CCNA1: variants seen among roughly 807,000 people sequenced by gnomAD.
The protein encoded by CCNA1 is cyclin A1, also known as cyclin-A1.
Under a neutral mutation model 54.1 loss-of-function variants are expected in CCNA1, and 23 were observed. That is an observed-to-expected ratio of 0.42 (90% confidence interval 0.31 to 0.60). The LOEUF (loss-of-function observed/expected upper bound fraction) is 0.60, where lower values mean the gene tolerates loss of function less well. Ranked by LOEUF, CCNA1 falls within the 20% of genes least tolerant of loss-of-function variation. CCNA1 has a pLI of 0.14. For missense variants in CCNA1, 450 were observed against 556.7 expected, an observed-to-expected ratio of 0.81 and a Z score of 1.93; for synonymous variants, 208 against 213.9, an observed-to-expected ratio of 0.97 and a Z score of 0.24.
In CCNA1 at chr13:36,437,789, G is replaced by A. The variant is rs540179877; in HGVS notation, c.458G>A (p.Arg153Lys). Residue 153 changes from arginine to lysine, a missense_variant, in exon 3 of 9, where the codon AGA becomes AAA. Arg to Lys is a conservative substitution (Grantham distance 26, BLOSUM62 2). Around this residue, in one of 6 missense-constraint regions of CCNA1, gnomAD observed 103 missense variants for 92.9 expected, o/e 1.11. Coordinates refer to ENST00000255465, the MANE Select transcript of CCNA1 (RefSeq NM_003914.4). ...GGGGACAGAGACAGCTGCTCGGTCA[G>A]AGAGGGGATGGCATTTGAGGATGTG... The A allele has an allele frequency of 1.3e-4, 206 of 1,614,176 alleles. 2 individuals are homozygous for A. The South Asian group carries it at 2.2e-3, about 17-fold the overall frequency.
chr13:36,433,439 T>TTTTCTTTCG (rs1566169703), intron 2 of CCNA1, among the ~76,000 whole-genome samples: 1 of 68,078 alleles, frequency 1.5e-5, no homozygotes, highest in African/African-American at 4.5e-5. Context: ...TCTTTCTTTC[T>TTTTCTTTCG]TTCGTTCTTT....
chr13:36,438,935 A>G, intron 5 of CCNA1, 68 bp downstream of exon 5: 2 of 1,180,630 alleles, frequency 1.7e-6, no homozygotes, highest in Admixed American at 3.6e-5. Flanking sequence ...TTTGTCCTCT[A>G]TTTCTTATTG....
At chr13:36,440,230 T>TA in intron 6 of CCNA1, 47 bp downstream of exon 6, 4 of 1,465,398 alleles carry the variant, frequency 2.7e-6, no homozygotes, top group Non-Finnish European at 1.9e-6. Flanking sequence ...CCAAGGAGCG[T>TA]AAAAATCAAC....
rs759393578 is a variant in CCNA1, at chr13:36,433,098, A to G, written c.174A>G (p.Thr58=). Reference sequence around the variant, plus strand: ...CCAAGAGTGGAGTTGTGCTGGCTACAGTGGCCCGAGGTCCCGATGCTTGTC... The same window carrying G: ...CCAAGAGTGGAGTTGTGCTGGCTACGGTGGCCCGAGGTCCCGATGCTTGTC... Residue 58 remains threonine (T), a synonymous_variant, in exon 2 of 9, where the codon ACA becomes ACG. Transcript: ENST00000255465. 2 of 1,614,202 alleles carry G rather than the reference A, an allele frequency of 1.2e-6. No individual in the cohort carries two copies. Among genetic ancestry groups the G allele is most frequent in the South Asian group, 2.2e-5 (2 of 91,086 alleles).
In CCNA1 at chr13:36,437,616, A is replaced by T. The variant is rs936729856; in HGVS notation, c.298-13A>T. ...TGACGTGGCCTCTAACAAAAGATTT[A>T]AACGTTTTTTAGGGGATCACAAGAA... is the stretch of plus-strand genomic sequence containing the variant. On this transcript the variant is annotated splice_polypyrimidine_tract_variant and intron_variant, in intron 2 of 8. Coordinates refer to ENST00000255465, the MANE Select transcript of CCNA1 (RefSeq NM_003914.4). 12 of 1,612,690 alleles carry T rather than the reference A, an allele frequency of 7.4e-6. No homozygotes were observed. In the Admixed American group the frequency reaches 2.0e-4, roughly 27 times the overall value.
intron 2 of CCNA1, among the ~76,000 whole-genome samples, chr13:36,433,442 C>CT (rs2055756914): frequency 2.7e-5 from 2 of 73,080 alleles, no homozygotes; most frequent in African/African-American, 4.3e-5. Flanking sequence ...TTCTTTCTTT[C>CT]GTTCTTTCTT....
chr13:36,436,446 T>G (rs912658206), intron 2 of CCNA1, among the ~76,000 whole-genome samples: 1 of 152,220 alleles, frequency 6.6e-6, no homozygotes, highest in Non-Finnish European at 1.5e-5. Flanking sequence ...GTAGTTCTTT[T>G]TAAACATTTT....
At chr13:36,433,450 CTTTCTTTCT>C (rs1566169783) in intron 2 of CCNA1, among the ~76,000 whole-genome samples, 2,652 of 91,230 alleles carry the variant, frequency 0.029, 79 homozygotes, top group Non-Finnish European at 0.044. Context: ...TTCGTTCTTT[CTTTCTTTCT>C]TTTCTTTCTC....
At position 36,435,913 on chromosome 13, in the gene CCNA1, T is replaced by C. The variant is rs529355318; in HGVS notation, c.298-1716T>C. The stretch of plus-strand genomic sequence containing the variant: ...TAAATGGAGTAGCCATCCTTTCTGT[T>C]ATTTAGCCTCCAAACCTTTGTCTTC... On this transcript the variant is annotated intron_variant, in intron 2 of 8. Transcript: ENST00000255465. 5.5e-4 allele frequency among the ~76,000 whole-genome samples: 84 copies of C among 152,354 alleles called. 1 individual carries two copies. Among genetic ancestry groups the C allele is most frequent in the African/African-American group, 1.9e-3 (77 of 41,580 alleles).
At chr13:36,432,871 C>A (rs1192276887) in intron 1 of CCNA1, 142 bp downstream of exon 1, 1 of 941,816 alleles carries the variant, frequency 1.1e-6, no homozygotes, top group Non-Finnish European at 1.7e-6. Context: ...ATCGCCTGTG[C>A]GGTCGCACCT....
rs566648386 is a variant in CCNA1 at position 36,440,108 on chromosome 13, A to C, written c.1023A>C (p.Val341=). 92 of 1,614,112 alleles carry C rather than the reference A, an allele frequency of 5.7e-5. No homozygotes were observed. The South Asian group carries it at 9.4e-4, about 17-fold the overall frequency. ...AAGTTCTAGCTTTTGATCTGACAGT[A>C]CCAACCACCAACCAGTTTCTCCTTC... is the stretch of plus-strand genomic sequence containing the variant. The change falls in exon 6 of 9, where the codon GTA becomes GTC. Residue 341 remains valine, a synonymous_variant. Transcript: ENST00000255465.
At chr13:36,432,247 G>A, upstream of CCNA1, 1 of 205,332 alleles carries the variant, frequency 4.9e-6, no homozygotes, top group Non-Finnish European at 9.6e-6. Context: ...CGCTAGGTCC[G>A]GGGGCGCCGC....
At chr13:36,433,370 TTTTCTTTCTTTCTTTCTTTC>T (rs201986317) in intron 2 of CCNA1, 149 bp downstream of exon 2, 5,060 of 317,462 alleles carry the variant, frequency 0.016, 426 homozygotes, top group East Asian at 0.066. Flanking sequence ...GATTGATTTA[TTTTCTTTCTTTCTTTCTTTC>T]TTTCTTTCTT....
At chr13:36,432,357 C>A, upstream of CCNA1, 1 of 327,548 alleles carries the variant, frequency 3.1e-6, no homozygotes, top group South Asian at 6.0e-5. Context: ...TCCTTCCCGC[C>A]CCGCCCTTCC....
In CCNA1 at chr13:36,437,829, C is replaced by T. The variant is rs766051820; in HGVS notation, c.498C>T (p.Thr166=). The change falls in exon 3 of 9, where the codon ACC becomes ACT. Residue 166 remains threonine, a synonymous_variant. Coordinates refer to ENST00000255465, the MANE Select transcript of CCNA1 (RefSeq NM_003914.4). ...TTGAGGATGTGTATGAAGTAGACACCGGCACACTCAAGTCAGACCTGCACT... is the reference window on the plus strand; with the variant it reads ...TTGAGGATGTGTATGAAGTAGACACTGGCACACTCAAGTCAGACCTGCACT... The T allele has an allele frequency of 5.9e-5, 95 of 1,614,092 alleles. 1 individual carries two copies. Among genetic ancestry groups the T allele is most frequent in the South Asian group, 1.1e-4 (10 of 91,074 alleles).
intron 2 of CCNA1, among the ~76,000 whole-genome samples, chr13:36,433,434 C>CTTTCT (rs1566169652): frequency 6.7e-4 from 65 of 97,046 alleles, no homozygotes; most frequent in African/African-American, 2.0e-3. Context: ...TTCTTTCTTT[C>CTTTCT]TTTCTTTCGT....
chr13:36,441,661 G>A (rs1177309188), intron 7 of CCNA1, among the ~76,000 whole-genome samples: 1 of 152,210 alleles, frequency 6.6e-6, no homozygotes, highest in South Asian at 2.1e-4. Context: ...GCCCAAGAAG[G>A]TGGCAACATC....
intron 2 of CCNA1, among the ~76,000 whole-genome samples, chr13:36,435,530 G>A (rs973473797): frequency 3.9e-5 from 6 of 152,090 alleles, no homozygotes; most frequent in Admixed American, 1.3e-4. Flanking sequence ...CATTCAGCTT[G>A]TAGAACACCA....
In CCNA1 at chr13:36,442,249, C is replaced by T; in HGVS notation, c.1291C>T (p.Leu431Phe). ...CCTGAGTGAGCTTCATAAAGCGTAC[C>T]TTGATATACCCCATCGACCTCAGCA... is the stretch of plus-strand genomic sequence containing the variant. The change falls in exon 8 of 9, where the codon CTT becomes TTT. Residue 431 changes from leucine to phenylalanine, a missense_variant. Physicochemically the swap from Leu to Phe is conservative, Grantham distance 22 (BLOSUM62 0). Coordinates refer to ENST00000255465, the MANE Select transcript of CCNA1 (RefSeq NM_003914.4). The T allele has an allele frequency of 6.2e-7, 1 of 1,613,892 alleles. No homozygotes were observed. The highest frequency in any genetic ancestry group is 8.5e-7 in the Non-Finnish European group (1 of 1,179,900).
Sources: gnomAD v4.1 joint callset for allele counts (sites outside exome capture counted in the v4.1 genomes callset) on GRCh38, gnomAD v4.1.1 for gene constraint, gnomAD v4.1.1 regional missense constraint, MANE v1.5 for transcripts, NCBI Gene and HGNC (gene_info 2026-07-23, HGNC 2026-07-21) for gene names.